The following TRIM5 variants were observed in gnomAD, a reference collection of about 807,000 sequenced individuals.
The protein encoded by TRIM5 is tripartite motif-containing protein 5.
In TRIM5, 31 loss-of-function variants were observed where a neutral mutation model predicts 35.6. The observed-to-expected ratio is 0.87, with a 90% CI of 0.65 to 1.18. The LOEUF is 1.18. Among genes scored for constraint, TRIM5 ranks in the 50% most tolerant of loss-of-function variants. TRIM5 has a pLI of 0.00. For synonymous variants in TRIM5, 243 were observed against 215.6 expected (o/e 1.13, Z -1.11); for missense variants, 609 against 591.6 (o/e 1.03, Z -0.31).
chr11:5,648,557 A>T, the TRIM5 span, among the ~76,000 whole-genome samples: 1 of 152,130 alleles, frequency 6.6e-6, no homozygotes, highest in African/African-American at 2.4e-5. Context: ...CTCCTCACAC[A>T]CGAGGCTTCA....
chr11:5,631,912 A>G, the TRIM5 span, among the ~76,000 whole-genome samples: 1 of 152,204 alleles, frequency 6.6e-6, no homozygotes, highest in South Asian at 2.1e-4. Flanking sequence ...AATAAAAGAA[A>G]GATGGCAAAT....
the TRIM5 span, among the ~76,000 whole-genome samples, chr11:5,630,543 G>A: frequency 3.9e-5 from 6 of 152,110 alleles, no homozygotes; most frequent in South Asian, 2.1e-4. Context: ...AAAAACTTTC[G>A]AACATGTTAT....
At chr11:5,596,879 T>C in the TRIM5 span, 13 of 1,614,068 alleles carry the variant, frequency 8.1e-6, no homozygotes, top group African/African-American at 1.7e-4. Context: ...CTGGAACTTC[T>C]TGGCTTCTCA....
the TRIM5 span, among the ~76,000 whole-genome samples, chr11:5,627,222 A>G: frequency 6.6e-6 from 1 of 151,962 alleles, no homozygotes; most frequent in African/African-American, 2.4e-5. Flanking sequence ...TCTACTAAAA[A>G]TACAAAAATT....
chr11:5,610,310 T>A, the TRIM5 span: 1 of 1,607,310 alleles, frequency 6.2e-7, no homozygotes, highest in African/African-American at 1.3e-5. Context: ...ATAAACGGGA[T>A]AGAGGCTATA....
chr11:5,678,045 A>G (rs781063893), intron 4 of TRIM5, 159 bp downstream of exon 4: 3 of 614,638 alleles, frequency 4.9e-6, no homozygotes, highest in Non-Finnish European at 8.0e-6. Context: ...ATCTCTTGCT[A>G]CTTCTACATT....
chr11:5,664,385 G>A lies in TRIM5; in HGVS notation c.*424C>T. 1.0e-6 allele frequency: 1 copy of A among 995,140 alleles called. No homozygotes were observed. Among genetic ancestry groups the A allele is most frequent in the Non-Finnish European group, 1.2e-6 (1 of 835,592 alleles). 61.6% of individuals were successfully genotyped at this position (995,140 alleles called of 1,614,324 possible). ...TTTTCTCTTTAACTCACAAATAAGG[G>A]CATCGAGGGTAAACTGACACAGGGC... On this transcript the variant is annotated 3_prime_UTR_variant, in exon 8 of 8. Transcript: ENST00000380034.
chr11:5,679,214 A>G, intron 2 of TRIM5, 45 bp from the exon 3 acceptor site: 2 of 1,527,844 alleles, frequency 1.3e-6, no homozygotes, highest in Non-Finnish European at 1.8e-6. Context: ...GAGGTTTTCC[A>G]GCACCTAGAT....
the TRIM5 span, chr11:5,610,791 A>C: frequency 6.2e-7 from 1 of 1,614,090 alleles, no homozygotes; most frequent in Non-Finnish European, 8.5e-7. Context: ...CGTGACCCTG[A>C]ATCCACACAC....
the TRIM5 span, among the ~76,000 whole-genome samples, chr11:5,620,629 CTCTG>C: frequency 3.4e-4 from 52 of 151,882 alleles, no homozygotes; most frequent in African/African-American, 1.2e-3. Context: ...AAATCACTTT[CTCTG>C]TCTGCCCAGC....
At chr11:5,605,430 C>T in the TRIM5 span, 2 of 1,614,160 alleles carry the variant, frequency 1.2e-6, no homozygotes, top group Non-Finnish European at 1.7e-6. Context: ...GCTGAAAAAG[C>T]TGGAACAGGA....
chr11:5,617,844 T>A, the TRIM5 span, among the ~76,000 whole-genome samples: 1 of 151,462 alleles, frequency 6.6e-6, no homozygotes, highest in Admixed American at 6.6e-5. Flanking sequence ...TTATCCTTTT[T>A]TTAAAAAAAA....
the TRIM5 span, among the ~76,000 whole-genome samples, chr11:5,608,698 C>CA: frequency 1.5e-4 from 22 of 149,522 alleles, no homozygotes; most frequent in African/African-American, 4.4e-4. Flanking sequence ...CTCAAACAAA[C>CA]AAAAAAAAAT....
intron 4 of TRIM5, chr11:5,677,894 G>A (rs981388039): frequency 9.7e-5 from 23 of 236,218 alleles, no homozygotes; most frequent in Non-Finnish European, 1.9e-4. Context: ...TGGCTAAGCT[G>A]AGCAATGAAA....
chr11:5,671,158 C>T (rs986130447), intron 4 of TRIM5, among the ~76,000 whole-genome samples: 4 of 151,790 alleles, frequency 2.6e-5, no homozygotes, highest in African/African-American at 4.8e-5. Flanking sequence ...TTCAGGATGT[C>T]GAGGCTATAG....
the TRIM5 span, among the ~76,000 whole-genome samples, chr11:5,646,995 A>T: frequency 6.6e-6 from 1 of 152,330 alleles, no homozygotes; most frequent in East Asian, 1.9e-4. Context: ...GTGTGGAAAC[A>T]TCATTGCTAT....
At chr11:5,655,638 G>A in the TRIM5 span, 26 of 985,292 alleles carry the variant, frequency 2.6e-5, no homozygotes, top group East Asian at 1.1e-4. Flanking sequence ...GCTCCTCAGC[G>A]TCAGTAAGGA....
chr11:5,624,730 G>A, the TRIM5 span: 17 of 152,326 alleles, frequency 1.1e-4, no homozygotes, highest in African/African-American at 4.1e-4. Context: ...CATTCCCCTA[G>A]TTAACAACCA....
At chr11:5,651,828 A>G in the TRIM5 span, among the ~76,000 whole-genome samples, 6 of 152,264 alleles carry the variant, frequency 3.9e-5, no homozygotes, top group East Asian at 1.2e-3. Context: ...CTTTTTAATA[A>G]TAGCCATTTA....
Sources: gnomAD v4.1 joint callset for allele counts (sites outside exome capture counted in the v4.1 genomes callset) on GRCh38, gnomAD v4.1.1 for gene constraint, MANE v1.5 for transcripts, NCBI Gene and HGNC (gene_info 2026-07-23, HGNC 2026-07-21) for gene names.